The following AGBL1 variants were observed in gnomAD, a reference collection of about 807,000 sequenced individuals.
AGBL1 encodes cytosolic carboxypeptidase 4.
Under a neutral mutation model 118.9 loss-of-function variants are expected in AGBL1, and 130 were observed. The observed-to-expected ratio is 1.09, with a 90% CI of 0.95 to 1.26. AGBL1 has a LOEUF of 1.26. AGBL1 is among the 50% of genes most tolerant of loss of function. The probability of loss-of-function intolerance (pLI) is 0.00; values close to 1 mark genes in which losing one functional copy is unlikely to be tolerated. For synonymous variants in AGBL1, 555 were observed against 478.9 expected (o/e 1.16, Z -2.08); for missense variants, 1,584 against 1,298.1 (o/e 1.22, Z -3.38).
At chr15:86,562,193 T>A (rs2083834967) in intron 21 of AGBL1, among the ~76,000 whole-genome samples, 1 of 151,494 alleles carries the variant, frequency 6.6e-6, no homozygotes, top group Non-Finnish European at 1.5e-5. Context: ...AACACTATGT[T>A]GAATAGGAGG....
chr15:86,129,001 G>C (rs987145220), intron 1 of AGBL1, among the ~76,000 whole-genome samples: 2 of 152,110 alleles, frequency 1.3e-5, no homozygotes, highest in African/African-American at 4.8e-5. Flanking sequence ...GGATAAATTG[G>C]GGAGAACACT....
chr15:86,130,227 T>G (rs974121103), intron 1 of AGBL1, among the ~76,000 whole-genome samples: 3 of 152,162 alleles, frequency 2.0e-5, no homozygotes, highest in Admixed American at 2.0e-4. Context: ...TGGGCATGTT[T>G]CCAGCAGATG....
chr15:86,666,417 A>G (rs1295795203), intron 21 of AGBL1, among the ~76,000 whole-genome samples: 2 of 152,120 alleles, frequency 1.3e-5, no homozygotes, highest in African/African-American at 2.4e-5. Context: ...TCTCTAATAA[A>G]TTTTGTCTTT....
intron 1 of AGBL1, among the ~76,000 whole-genome samples, chr15:86,116,042 GAAC>G (rs1897734088): frequency 6.6e-6 from 1 of 152,110 alleles, no homozygotes; most frequent in Non-Finnish European, 1.5e-5. Context: ...AAATAATTGA[GAAC>G]AATAATAAAA....
intron 21 of AGBL1, among the ~76,000 whole-genome samples, chr15:86,557,286 C>G (rs1241348148): frequency 6.6e-6 from 1 of 152,162 alleles, no homozygotes; most frequent in Non-Finnish European, 1.5e-5. Flanking sequence ...TTAGAGGCAT[C>G]CCGTCCATGT....
intron 17 of AGBL1, among the ~76,000 whole-genome samples, chr15:86,393,084 C>T (rs574001056): frequency 6.6e-6 from 1 of 152,248 alleles, no homozygotes; most frequent in East Asian, 1.9e-4. Context: ...GAGAGGAAAG[C>T]CAACTAGAAC....
chr15:86,219,945 C>T (rs74250500), intron 5 of AGBL1, among the ~76,000 whole-genome samples: 2,174 of 85,878 alleles, frequency 0.025, 62 homozygotes, highest in East Asian at 0.064. Context: ...AATGCTGCCT[C>T]TTTTTTTTTT....
chr15:86,406,170 T>C (rs1394118737), intron 18 of AGBL1, among the ~76,000 whole-genome samples: 2 of 152,240 alleles, frequency 1.3e-5, no homozygotes, highest in Non-Finnish European at 2.9e-5. Flanking sequence ...GCTCTGGTCT[T>C]CTTAACTGGA....
chr15:86,866,433 G>A (rs984648778), intron 22 of AGBL1, among the ~76,000 whole-genome samples: 1 of 152,214 alleles, frequency 6.6e-6, no homozygotes, highest in Non-Finnish European at 1.5e-5. Context: ...AAACCAGGTT[G>A]GGGGAATGAT....
intron 22 of AGBL1, among the ~76,000 whole-genome samples, chr15:86,872,955 T>C (rs568944880): frequency 1.2e-4 from 18 of 152,172 alleles, no homozygotes; most frequent in Non-Finnish European, 2.4e-4. Context: ...CCTCTACCTA[T>C]TGTCAGCCTT....
At chr15:86,326,953 A>T (rs1412073079) in intron 17 of AGBL1, among the ~76,000 whole-genome samples, 1 of 150,158 alleles carries the variant, frequency 6.7e-6, no homozygotes. Context: ...AATTTTGCAC[A>T]GAGCATTATG....
intron 18 of AGBL1, among the ~76,000 whole-genome samples, chr15:86,451,353 A>G (rs2082190013): frequency 2.6e-5 from 4 of 152,226 alleles, no homozygotes; most frequent in Admixed American, 2.6e-4. Context: ...TTGAGGATAG[A>G]GACCTTGTTC....
chr15:86,421,219 G>A (rs2081785235), intron 18 of AGBL1, among the ~76,000 whole-genome samples: 1 of 152,082 alleles, frequency 6.6e-6, no homozygotes, highest in Non-Finnish European at 1.5e-5. Flanking sequence ...GAGAGAAAGG[G>A]CGGGTTACCC....
intron 24 of AGBL1, among the ~76,000 whole-genome samples, chr15:87,009,360 C>T (rs1311058277): frequency 1.3e-5 from 2 of 152,188 alleles, no homozygotes; most frequent in East Asian, 1.9e-4. Context: ...TGTGAGTACA[C>T]AGAAGTCAAG....
chr15:86,653,079 C>T (rs1413324675), intron 21 of AGBL1, among the ~76,000 whole-genome samples: 1 of 152,140 alleles, frequency 6.6e-6, no homozygotes, highest in African/African-American at 2.4e-5. Flanking sequence ...ATTTTATTTT[C>T]ACGAAAGATT....
chr15:86,585,615 C>G (rs1281014922), intron 21 of AGBL1, among the ~76,000 whole-genome samples: 6 of 152,138 alleles, frequency 3.9e-5, no homozygotes, highest in Non-Finnish European at 5.9e-5. Flanking sequence ...ATCCTCCTGC[C>G]TCAGCCTCCC....
chr15:86,862,645 G>C (rs1393279151), intron 22 of AGBL1, among the ~76,000 whole-genome samples: 1 of 152,116 alleles, frequency 6.6e-6, no homozygotes, highest in Non-Finnish European at 1.5e-5. Context: ...CACTTGACCT[G>C]GGAGGCAAAG....
At chr15:86,123,010 A>G (rs964430118) in intron 1 of AGBL1, among the ~76,000 whole-genome samples, 1 of 152,176 alleles carries the variant, frequency 6.6e-6, no homozygotes, top group Non-Finnish European at 1.5e-5. Flanking sequence ...TTTTACCCCA[A>G]AATATATGTA....
chr15:86,489,163 G>T (rs976527865), intron 18 of AGBL1, among the ~76,000 whole-genome samples: 1 of 152,078 alleles, frequency 6.6e-6, no homozygotes, highest in Non-Finnish European at 1.5e-5. Flanking sequence ...ACAGTGATAA[G>T]CCCTGGCACT....
Sources: allele counts gnomAD v4.1 joint callset (sites outside exome capture counted in the v4.1 genomes callset), GRCh38; gene constraint gnomAD v4.1.1; transcripts MANE v1.5; gene names NCBI Gene and HGNC (gene_info 2026-07-23, HGNC 2026-07-21).